CLEC1A: variants seen among roughly 807,000 people sequenced by gnomAD.
CLEC1A encodes the protein C-type lectin domain family 1 member A, also known as C-type lectin-like receptor-1.
In CLEC1A, 34 loss-of-function variants were observed where a neutral mutation model predicts 28.7. The observed-to-expected ratio is 1.18, with a 90% CI of 0.90 to 1.57. The LOEUF (loss-of-function observed/expected upper bound fraction) is 1.57. Ranked by LOEUF, CLEC1A falls within the 40% of genes most tolerant of loss-of-function variation. The pLI is 0.00. For missense variants in CLEC1A, 385 were observed against 339.5 expected, an observed-to-expected ratio of 1.13 and a Z score of -1.05; for synonymous variants, 116 against 121.0, an observed-to-expected ratio of 0.96 and a Z score of 0.27.
At chr12:10,089,434 C>G (rs1866568196) in intron 1 of CLEC1A, among the ~76,000 whole-genome samples, 1 of 152,064 alleles carries the variant, frequency 6.6e-6, no homozygotes, top group Admixed American at 6.6e-5. Context: ...TTCTCACAAG[C>G]CCCACCCGTT....
chr12:10,090,297 G>A (rs1380204875), intron 1 of CLEC1A, among the ~76,000 whole-genome samples: 1 of 152,172 alleles, frequency 6.6e-6, no homozygotes, highest in Non-Finnish European at 1.5e-5. Flanking sequence ...GATTTTCCAG[G>A]CTGGAGTGCA....
intron 2 of CLEC1A, among the ~76,000 whole-genome samples, chr12:10,087,529 T>A (rs1866526815): frequency 7.7e-6 from 1 of 129,380 alleles, no homozygotes; most frequent in South Asian, 2.4e-4. Flanking sequence ...TTTGTTTTTT[T>A]TTTTTTTAGA....
intron 1 of CLEC1A, among the ~76,000 whole-genome samples, chr12:10,094,757 C>G (rs911400674): frequency 2.0e-5 from 3 of 152,130 alleles, no homozygotes; most frequent in Non-Finnish European, 4.4e-5. Flanking sequence ...AATGTCCACT[C>G]TGCCAGCAAG....
rs747906227 is a variant in CLEC1A, at chr12:10,075,554, A to C, written c.493T>G (p.Cys165Gly). The part of the protein sequence containing the change: ...SKSWEDCKYF[C>G]LSENSTMLKI... ...AGCATGGTAGAGTTTTCACTAAGGC[A>C]GAAATATTTACAGTCCTCCCAACTT... The change falls in exon 4 of 6, where the codon TGC becomes GGC. Residue 165 changes from cysteine (C) to glycine (G), a missense_variant. By Grantham distance (159) the Cys-to-Gly change is radical. Coordinates refer to ENST00000315330, the MANE Select transcript of CLEC1A (RefSeq NM_016511.4). 3.7e-6 allele frequency: 6 copies of C among 1,614,060 alleles called. No individual in the cohort carries two copies. In the East Asian group the frequency reaches 1.3e-4, roughly 36 times the overall value.
intron 3 of CLEC1A, among the ~76,000 whole-genome samples, chr12:10,080,607 C>T (rs995171614): frequency 1.3e-5 from 2 of 152,150 alleles, no homozygotes; most frequent in African/African-American, 4.8e-5. Flanking sequence ...GAAGAGAGAG[C>T]TGACCTGAAT....
chr12:10,085,700 TAGAC>T (rs1327829719), intron 2 of CLEC1A, among the ~76,000 whole-genome samples: 4 of 152,028 alleles, frequency 2.6e-5, no homozygotes, highest in African/African-American at 7.3e-5. Context: ...AAAAATGAGA[TAGAC>T]AGCAACACAA....
intron 3 of CLEC1A, among the ~76,000 whole-genome samples, chr12:10,076,028 T>A (rs1694055506): frequency 6.6e-6 from 1 of 152,220 alleles, no homozygotes. Flanking sequence ...GTTTCTATAA[T>A]GTTCTCCTCA....
At chr12:10,072,229 G>A (rs1332019048) in intron 5 of CLEC1A, among the ~76,000 whole-genome samples, 1 of 152,034 alleles carries the variant, frequency 6.6e-6, no homozygotes, top group Non-Finnish European at 1.5e-5. Flanking sequence ...GCCAGCTCTT[G>A]CTTCGCCTTC....
chr12:10,075,467 G>T (rs976545626), intron 4 of CLEC1A, 37 bp downstream of exon 4: 2 of 1,602,694 alleles, frequency 1.2e-6, no homozygotes, highest in African/African-American at 2.7e-5. Context: ...GCCTCTTTTT[G>T]AAATCCTTCA....
intron 3 of CLEC1A, among the ~76,000 whole-genome samples, chr12:10,076,355 TC>T (rs1866251121): frequency 6.6e-6 from 1 of 152,202 alleles, no homozygotes; most frequent in African/African-American, 2.4e-5. Context: ...TATAACAATT[TC>T]TTTATTTTAA....
intron 4 of CLEC1A, 117 bp from the exon 5 acceptor site, chr12:10,073,528 G>A: frequency 1.4e-6 from 1 of 706,294 alleles, no homozygotes; most frequent in Non-Finnish European, 2.5e-6. Flanking sequence ...GCTTCACATT[G>A]ATGCTCATAT....
intron 2 of CLEC1A, 122 bp downstream of exon 2, chr12:10,089,002 A>T: frequency 1.3e-6 from 1 of 749,206 alleles, no homozygotes; most frequent in Non-Finnish European, 2.3e-6. Flanking sequence ...TTAAAAAAAG[A>T]TACACTGAAT....
chr12:10,073,165 T>C (rs1238530127), intron 5 of CLEC1A, 128 bp downstream of exon 5: 1 of 678,868 alleles, frequency 1.5e-6, no homozygotes. Context: ...GGCATCCTCC[T>C]GCAAACACAG....
chr12:10,081,429 A>G lies in CLEC1A; in HGVS notation c.215-16T>C, dbSNP rs1866368683. On this transcript the variant is annotated splice_polypyrimidine_tract_variant and intron_variant, in intron 2 of 5. Transcript: ENST00000315330. ...TACTGAAAAACTAACCCAAATGACCAAGTCAGACTGGACAGCTTATTTCTA... is the reference window on the plus strand; with the variant it reads ...TACTGAAAAACTAACCCAAATGACCGAGTCAGACTGGACAGCTTATTTCTA... 4 of 1,580,206 alleles carry G rather than the reference A, an allele frequency of 2.5e-6. No homozygotes were observed. In the South Asian group the frequency reaches 4.6e-5, roughly 18 times the overall value.
chr12:10,089,252 T>G, intron 1 of CLEC1A, 30 bp from the exon 2 acceptor site: 1 of 1,582,238 alleles, frequency 6.3e-7, no homozygotes, highest in Non-Finnish European at 8.7e-7. Flanking sequence ...AAGCAGAGTT[T>G]GGCTTTTTCT....
intron 3 of CLEC1A, among the ~76,000 whole-genome samples, chr12:10,079,156 G>A (rs934369454): frequency 2.0e-5 from 3 of 152,166 alleles, no homozygotes; most frequent in African/African-American, 7.2e-5. Context: ...AGAGTAAGTG[G>A]TCCATGAGAG....
At chr12:10,078,185 A>C (rs1737412523) in intron 3 of CLEC1A, among the ~76,000 whole-genome samples, 1 of 152,184 alleles carries the variant, frequency 6.6e-6, no homozygotes, top group African/African-American at 2.4e-5. Flanking sequence ...AAGCCTTTAA[A>C]AACTTATGCC....
chr12:10,081,254 AG>A lies in CLEC1A; in HGVS notation c.373del (p.Leu125CysfsTer49). The A allele has an allele frequency of 1.3e-6, 2 of 1,599,864 alleles. No individual in the cohort carries two copies. Among genetic ancestry groups the A allele is most frequent in the Non-Finnish European group, 1.7e-6 (2 of 1,173,354 alleles). On this transcript the variant is annotated frameshift_variant, in exon 3 of 6. Coordinates refer to ENST00000315330, the MANE Select transcript of CLEC1A (RefSeq NM_016511.4). LOFTEE classifies it high-confidence loss of function. ...QHVAEKLCRELYNKAGAHRCS... is the reference protein window; with the variant it reads ...QHVAEKLCREXYNKAGAHRCS... ...ACACTTACCTCCAGCTTTGTTATAC[AG>A]CTCACGACAGAGTTTTTCAGCCACA...
chr12:10,089,329 C>T, intron 1 of CLEC1A, 107 bp from the exon 2 acceptor site: 1 of 858,920 alleles, frequency 1.2e-6, no homozygotes, highest in South Asian at 1.5e-5. Flanking sequence ...ACAAATTAGG[C>T]TGGACAACGG....
Sources: gnomAD v4.1 joint callset for allele counts (sites outside exome capture counted in the v4.1 genomes callset) on GRCh38, gnomAD v4.1.1 for gene constraint, MANE v1.5 for transcripts, NCBI Gene and HGNC (gene_info 2026-07-23, HGNC 2026-07-21) for gene names.